Variants in ZNF688 observed in about 807,000 individuals in gnomAD.
ZNF688 encodes the protein zinc finger protein 688.
ZNF688 carries 10 observed loss-of-function variants against 13.2 expected under a neutral mutation model. The observed-to-expected ratio is 0.76, with a 90% CI of 0.47 to 1.28. The LOEUF is 1.28. ZNF688 is among the 50% of genes most tolerant of loss of function. The pLI, the probability that ZNF688 is intolerant of heterozygous loss-of-function variation, is 0.00. For synonymous variants in ZNF688, 160 were observed against 159.4 expected (o/e 1.00, Z -0.03); for missense variants, 381 against 391.4 (o/e 0.97, Z 0.22).
At chr16:30,571,208 C>T in intron 1 of ZNF688, 85 bp from the exon 2 acceptor site, 1 of 1,522,864 alleles carries the variant, frequency 6.6e-7, no homozygotes, top group Non-Finnish European at 8.8e-7. Context: ...GGCACCCCCT[C>T]GGAGCTTATA....
Position 30,570,254 on chromosome 16 carries a change from C to G in ZNF688, c.493G>C (p.Ala165Pro). The G allele has an allele frequency of 1.2e-6, 2 of 1,613,720 alleles. No homozygotes were observed. Among genetic ancestry groups the G allele is most frequent in the Non-Finnish European group, 1.7e-6 (2 of 1,179,912 alleles). Residue 165 changes from alanine to proline, a missense_variant, in exon 3 of 3, where the codon GCA (alanine) becomes CCA (proline). Coordinates refer to ENST00000223459, the MANE Select transcript of ZNF688 (RefSeq NM_145271.4). ...CTGGGTATGGGTGCCGGGGGCTGTG[C>G]TCCTGTGGTCGGGTCCCAGGCAGCA... ...KNAAWDPTTG[A>P]QPPAPIPSMD...
At chr16:30,570,773 G>A (rs1268889531) in intron 2 of ZNF688, 1 of 358,036 alleles carries the variant, frequency 2.8e-6, no homozygotes, top group Non-Finnish European at 4.8e-6. Flanking sequence ...TTATTTTTGA[G>A]ACGGAGTCTC....
At chr16:30,571,745 G>T (rs1037242443), upstream of ZNF688, 18 of 1,337,404 alleles carry the variant, frequency 1.3e-5, 1 homozygote, top group South Asian at 3.1e-4. Context: ...CGTGGCGTCC[G>T]AACGCAGCCG....
At chr16:30,571,871 A>G (rs1034895570), upstream of ZNF688, 1 of 1,281,058 alleles carries the variant, frequency 7.8e-7, no homozygotes, top group Non-Finnish European at 9.8e-7. Flanking sequence ...CACCCGGGTT[A>G]AGGGACCCGG....
chr16:30,570,128 C>G lies in ZNF688; in HGVS notation c.619G>C (p.Gly207Arg), dbSNP rs1391612927. 6.2e-7 allele frequency: 1 copy of G among 1,611,516 alleles called. No individual in the cohort carries two copies. The highest frequency in any genetic ancestry group is 8.5e-7 in the Non-Finnish European group (1 of 1,178,834). ...TCGGGGCAGGGGAAAGGCCGCTCCCCCGAGTGCATGCGCCTGTGGCTGACC... is the reference window on the plus strand; with the variant it reads ...TCGGGGCAGGGGAAAGGCCGCTCCCGCGAGTGCATGCGCCTGTGGCTGACC... ...LLVSHRRMHSGERPFPCPECG... is the reference protein window; with the variant it reads ...LLVSHRRMHSRERPFPCPECG... The change falls in exon 3 of 3, where the codon GGG becomes CGG. Residue 207 changes from glycine to arginine, a missense_variant. Transcript: ENST00000223459.
upstream of ZNF688, among the ~76,000 whole-genome samples, chr16:30,575,584 C>A (rs1305919518): frequency 1.3e-5 from 2 of 151,876 alleles, no homozygotes; most frequent in African/African-American, 4.8e-5. Context: ...CAGACATCTC[C>A]ATATTGTTTT....
upstream of ZNF688, among the ~76,000 whole-genome samples, chr16:30,576,161 C>A (rs1478928967): frequency 6.6e-6 from 1 of 152,222 alleles, no homozygotes; most frequent in African/African-American, 2.4e-5. Flanking sequence ...GATTCTCCTG[C>A]CTCAGCCTCC....
the ZNF688 span, chr16:30,579,544 C>T: frequency 4.9e-5 from 14 of 286,948 alleles, no homozygotes; most frequent in Admixed American, 1.3e-4. Context: ...TGTGCCACCA[C>T]GCCTGGCTAA....
intron 2 of ZNF688, 143 bp from the exon 3 acceptor site, chr16:30,570,579 A>G: frequency 9.4e-7 from 1 of 1,068,558 alleles, no homozygotes. Context: ...AACAGGATTC[A>G]GATCTCCTAA....
intron 2 of ZNF688, 133 bp from the exon 3 acceptor site, chr16:30,570,569 A>G: frequency 8.6e-7 from 1 of 1,156,520 alleles, no homozygotes; most frequent in Non-Finnish European, 1.2e-6. Context: ...GAACAAGGTA[A>G]ACAGGATTCA....
Position 30,571,543 on chromosome 16 carries a change from C to G in ZNF688, c.87G>C (p.Ala29=), listed in dbSNP as rs779329150. 32 of 1,584,560 alleles carry G rather than the reference C, an allele frequency of 2.0e-5. No individual in the cohort carries two copies. Among genetic ancestry groups the G allele is most frequent in the Non-Finnish European group, 2.7e-5 (31 of 1,166,390 alleles). ...CCGGGGAGAAGTACACGGCCACGTCCGCGAAGCTCACAGTCCCGGGCTTCC... is the reference window on the plus strand; with the variant it reads ...CCGGGGAGAAGTACACGGCCACGTCGGCGAAGCTCACAGTCCCGGGCTTCC... ...GCRKPGTVSF[A]DVAVYFSPEE... is the part of the protein sequence containing the mutation. The change falls in exon 1 of 3, where the codon GCG becomes GCC. Residue 29 remains alanine (A), a synonymous_variant. Transcript: ENST00000223459.
At chr16:30,571,384 C>T (rs1471141141) in intron 1 of ZNF688, 50 bp downstream of exon 1, 1 of 1,541,796 alleles carries the variant, frequency 6.5e-7, no homozygotes, top group South Asian at 1.2e-5. Flanking sequence ...TACATCATCT[C>T]CCCTGTGAAC....
chr16:30,572,046 G>A, upstream of ZNF688: 1 of 1,420,584 alleles, frequency 7.0e-7, no homozygotes. Context: ...TCTAGTGGGG[G>A]AGGCGGGGTG....
At chr16:30,575,245 GTTCT>G (rs1482618707), upstream of ZNF688, among the ~76,000 whole-genome samples, 10 of 126,230 alleles carry the variant, frequency 7.9e-5, no homozygotes, top group African/African-American at 3.5e-4. Flanking sequence ...TCACATGGTA[GTTCT>G]TTTTTTTTTT....
upstream of ZNF688, among the ~76,000 whole-genome samples, chr16:30,575,733 C>T (rs1310252857): frequency 2.0e-5 from 3 of 150,866 alleles, no homozygotes; most frequent in Non-Finnish European, 4.4e-5. Context: ...CTTGGCTCAC[C>T]ACAACTTCTG....
At chr16:30,572,223 C>T, upstream of ZNF688, 1 of 1,602,608 alleles carries the variant, frequency 6.2e-7, no homozygotes, top group Non-Finnish European at 8.5e-7. Flanking sequence ...GAAGGGACCC[C>T]GCGGTCCTGA....
At chr16:30,573,757 G>GT (rs2051719713), upstream of ZNF688, 1 of 202,096 alleles carries the variant, frequency 4.9e-6, no homozygotes, top group Non-Finnish European at 1.0e-5. Context: ...GGCTTTTAGT[G>GT]TGACTCCTGC....
At chr16:30,577,306 T>C, upstream of ZNF688, among the ~76,000 whole-genome samples, 1 of 152,120 alleles carries the variant, frequency 6.6e-6, no homozygotes, top group African/African-American at 2.4e-5. Context: ...TCACTTCTCT[T>C]TGAACTAAGT....
chr16:30,571,743 C>G, upstream of ZNF688: 1 of 1,337,000 alleles, frequency 7.5e-7, no homozygotes, highest in Non-Finnish European at 9.5e-7. Flanking sequence ...GCCGTGGCGT[C>G]CGAACGCAGC....
Sources: allele counts gnomAD v4.1 joint callset (sites outside exome capture counted in the v4.1 genomes callset), GRCh38; gene constraint gnomAD v4.1.1; transcripts MANE v1.5; gene names NCBI Gene and HGNC (gene_info 2026-07-23, HGNC 2026-07-21).